The following C4orf50 variants were observed in gnomAD, a reference collection of about 807,000 sequenced individuals.
C4orf50 encodes uncharacterized protein C4orf50.
A neutral mutation model predicts 77.2 loss-of-function variants in C4orf50; 80 were observed. The observed-to-expected ratio is 1.04, with a 90% CI of 0.87 to 1.25. The LOEUF is 1.25. Among genes scored for constraint, C4orf50 ranks in the 50% most tolerant of loss-of-function variants. The probability of loss-of-function intolerance (pLI) is 0.00; values close to 1 mark genes in which losing one functional copy is unlikely to be tolerated. For synonymous variants in C4orf50, 532 were observed against 465.3 expected, an observed-to-expected ratio of 1.14 and a Z score of -1.84; for missense variants, 1,257 against 1,152.9, an observed-to-expected ratio of 1.09 and a Z score of -1.31.
chr4:5,974,618 C>A (rs1359278188), intron 30 of C4orf50, among the ~76,000 whole-genome samples: 2 of 152,140 alleles, frequency 1.3e-5, no homozygotes, highest in Admixed American at 6.5e-5. Context: ...TGATGCCCAG[C>A]CCAGGGCACC....
chr4:5,945,065 T>A (rs968464021), intron 7 of C4orf50, among the ~76,000 whole-genome samples: 5 of 152,016 alleles, frequency 3.3e-5, no homozygotes, highest in Non-Finnish European at 5.9e-5. Flanking sequence ...CCAAAATGAT[T>A]CTCCACAGGC....
chr4:5,984,655 T>C (rs1720766361), intron 28 of C4orf50, among the ~76,000 whole-genome samples: 1 of 152,078 alleles, frequency 6.6e-6, no homozygotes, highest in Non-Finnish European at 1.5e-5. Context: ...GAGAGGTCAA[T>C]AGAAAATGCA....
At chr4:5,955,747 C>T (rs916817585), downstream of C4orf50, among the ~76,000 whole-genome samples, 8 of 152,168 alleles carry the variant, frequency 5.3e-5, no homozygotes, top group Non-Finnish European at 1.0e-4. This position sits in a 1 kb window ranked among gnomAD's most constrained non-coding sequence, Gnocchi z 5.1. Context: ...CAGATGGAAA[C>T]GCAGCTGGCC....
chr4:5,925,520 G>T (rs1233492692), intron 7 of C4orf50, among the ~76,000 whole-genome samples: 2 of 152,234 alleles, frequency 1.3e-5, no homozygotes, highest in African/African-American at 4.8e-5. Context: ...AGGACTGGCA[G>T]AAACAGCCAG....
intron 7 of C4orf50, among the ~76,000 whole-genome samples, chr4:5,951,898 C>G (rs1718742428): frequency 6.6e-6 from 1 of 152,146 alleles, no homozygotes; most frequent in Non-Finnish European, 1.5e-5. Context: ...GGGTTCCAAT[C>G]CCTCTCCTCC....
exon 28 of C4orf50, chr4:5,988,828 T>C (rs780282795): frequency 1.3e-6 from 2 of 1,536,092 alleles, no homozygotes; most frequent in African/African-American, 2.7e-5. Flanking sequence ...TAGCACGATA[T>C]CCTTTATCAG....
intron 25 of C4orf50, among the ~76,000 whole-genome samples, chr4:6,002,870 T>G (rs979578684): frequency 6.6e-6 from 1 of 152,214 alleles, no homozygotes; most frequent in Non-Finnish European, 1.5e-5. Context: ...GACAGGACAC[T>G]GCATCTCTGA....
chr4:5,989,016 A>C, exon 28 of C4orf50: 1 of 1,535,400 alleles, frequency 6.5e-7, no homozygotes, highest in Non-Finnish European at 8.7e-7. Flanking sequence ...TTTTGCAGTA[A>C]CTCTTCCCAT....
At position 6,017,846 on chromosome 4, in the gene C4orf50, G is replaced by A. The variant is rs1046207068; in HGVS notation, c.287+299C>T. 2.0e-5 allele frequency among the ~76,000 whole-genome samples: 3 copies of A among 152,188 alleles called. No individual in the cohort carries two copies. Among genetic ancestry groups the A allele is most frequent in the Non-Finnish European group, 4.4e-5 (3 of 68,026 alleles). On this transcript the variant is annotated intron_variant, in intron 23 of 33. Coordinates refer to ENST00000531445, the Ensembl canonical transcript of C4orf50. The surrounding 1 kb of genome is among the most constrained non-coding windows in gnomAD (Gnocchi z 4.7). Reference sequence around the variant, plus strand: ...CCCTTTCATGGAACAGTCACCCAGAGAAGAAGAGAGGGAGAACACCTGGCT... The same window carrying A: ...CCCTTTCATGGAACAGTCACCCAGAAAAGAAGAGAGGGAGAACACCTGGCT...
intron 7 of C4orf50, among the ~76,000 whole-genome samples, chr4:5,944,282 G>T (rs2108752678): frequency 6.6e-6 from 1 of 152,244 alleles, no homozygotes. Context: ...CCTCCATGAA[G>T]GCTGGAGGCC....
chr4:5,959,506 G>C, exon 34 of C4orf50: 1 of 1,614,194 alleles, frequency 6.2e-7, no homozygotes, highest in Non-Finnish European at 8.5e-7. Context: ...TTATCGACTT[G>C]GAGGGCAGGA....
chr4:5,906,500 T>C (rs547057888), intron 7 of C4orf50, among the ~76,000 whole-genome samples: 24 of 152,252 alleles, frequency 1.6e-4, no homozygotes, highest in Non-Finnish European at 1.0e-4. Context: ...AGAGCCTTCA[T>C]GGATGCACCA....
chr4:5,930,895 AGTGCTGGGAAGCGGAGAGGCAAAGGG>A (rs1717739993), intron 7 of C4orf50, among the ~76,000 whole-genome samples: 2 of 152,168 alleles, frequency 1.3e-5, no homozygotes, highest in East Asian at 3.8e-4. Context: ...GTGGAAGAAG[AGTGCTGGGAAGCGGAGAGGCAAAGGG>A]GTAACGGGAT....
In C4orf50 at chr4:6,004,108, T is replaced by A. The variant is rs1475966778; in HGVS notation, c.963+3888A>T. On this transcript the variant is annotated intron_variant, in intron 25 of 33. Transcript: ENST00000531445. The stretch of plus-strand genomic sequence containing the variant: ...ATAGTGATGATGGTGATGATGGTGA[T>A]GGTGATGATGGTGATAGTGATGATG... 2.5e-4 allele frequency among the ~76,000 whole-genome samples: 32 copies of A among 126,604 alleles called. No individual in the cohort carries two copies. In the East Asian group the frequency reaches 4.4e-3, roughly 18 times the overall value. The allele number at this position is 126,604 out of a possible 152,430, so 83.1% of individuals were successfully genotyped here.
intron 28 of C4orf50, among the ~76,000 whole-genome samples, chr4:5,983,411 T>C (rs1720703090): frequency 6.6e-6 from 1 of 152,188 alleles, no homozygotes; most frequent in Admixed American, 6.5e-5. Flanking sequence ...TTTCTGTTTT[T>C]CCAATGAGCC....
At chr4:5,975,246 G>A (rs1049291368) in intron 30 of C4orf50, among the ~76,000 whole-genome samples, 8 of 150,494 alleles carry the variant, frequency 5.3e-5, no homozygotes, top group African/African-American at 2.0e-4. Context: ...AGGGGCTTGA[G>A]CACAGAGCGC....
chr4:5,939,946 C>G (rs569133192), intron 7 of C4orf50, among the ~76,000 whole-genome samples: 38 of 152,338 alleles, frequency 2.5e-4, no homozygotes, highest in Non-Finnish European at 4.4e-4. Flanking sequence ...TCCTCTGCCC[C>G]ACTTTTTGAT....
intron 7 of C4orf50, among the ~76,000 whole-genome samples, chr4:5,921,451 C>T (rs1410113032): frequency 6.6e-6 from 1 of 152,070 alleles, no homozygotes; most frequent in Admixed American, 6.5e-5. Flanking sequence ...GTTATGTGCA[C>T]ATATAGGGGA....
At chr4:5,960,783 G>A (rs1215405099) in intron 33 of C4orf50, among the ~76,000 whole-genome samples, 3 of 152,200 alleles carry the variant, frequency 2.0e-5, no homozygotes, top group Non-Finnish European at 4.4e-5. Flanking sequence ...GCAGGGTTCT[G>A]TTATGTGTTT....
Sources: allele counts gnomAD v4.1 joint callset (sites outside exome capture counted in the v4.1 genomes callset), GRCh38; gene constraint gnomAD v4.1.1; non-coding constraint Gnocchi (gnomAD v3.1); transcripts MANE v1.5; gene names NCBI Gene and HGNC (gene_info 2026-07-23, HGNC 2026-07-21).